The following FSTL5 variants were observed in gnomAD, a reference collection of about 807,000 sequenced individuals.
FSTL5 encodes follistatin-related protein 5.
Under a neutral mutation model 89.1 loss-of-function variants are expected in FSTL5, and 62 were observed. The observed-to-expected ratio is 0.70, with a 90% CI of 0.57 to 0.86. The LOEUF is 0.86. Ranked by LOEUF, FSTL5 falls within the 40% of genes least tolerant of loss-of-function variation. The pLI, the probability that FSTL5 is intolerant of heterozygous loss-of-function variation, is 0.00. For missense variants in FSTL5, 1,057 were observed against 1,001.6 expected (o/e 1.06, Z -0.75); for synonymous variants, 383 against 346.2 (o/e 1.11, Z -1.18).
At chr4:161,599,505 G>A (rs1309974648) in intron 7 of FSTL5, among the ~76,000 whole-genome samples, 1 of 151,458 alleles carries the variant, frequency 6.6e-6, no homozygotes, top group African/African-American at 2.4e-5. Flanking sequence ...AAGTACAACA[G>A]ATTAATCACA....
intron 7 of FSTL5, among the ~76,000 whole-genome samples, chr4:161,626,825 A>G (rs993869800): frequency 6.6e-6 from 1 of 152,182 alleles, no homozygotes; most frequent in Non-Finnish European, 1.5e-5. Flanking sequence ...GTTGAATCCA[A>G]TCCTCATGGA....
intron 2 of FSTL5, among the ~76,000 whole-genome samples, chr4:162,050,011 G>A (rs1440234540): frequency 6.6e-6 from 1 of 151,790 alleles, no homozygotes; most frequent in Non-Finnish European, 1.5e-5. Flanking sequence ...ATTCTTGAAA[G>A]AAAGAACATA....
intron 3 of FSTL5, among the ~76,000 whole-genome samples, chr4:161,941,430 C>T (rs1306748773): frequency 2.6e-5 from 4 of 151,602 alleles, no homozygotes; most frequent in Non-Finnish European, 4.4e-5. Context: ...AAAAAATCAG[C>T]TGAAAGTGAG....
intron 3 of FSTL5, among the ~76,000 whole-genome samples, chr4:162,014,845 G>A (rs553795854): frequency 2.6e-5 from 4 of 152,172 alleles, no homozygotes; most frequent in Non-Finnish European, 5.9e-5. Context: ...TTATAAACAC[G>A]TTAGTAATGG....
intron 8 of FSTL5, among the ~76,000 whole-genome samples, chr4:161,555,262 A>C (rs72687526): frequency 0.075 from 11,345 of 151,622 alleles, 540 homozygotes; most frequent in Middle Eastern, 0.17. Flanking sequence ...GTCTACTAAT[A>C]TTTAAAGTTA....
At chr4:161,633,638 C>A in intron 7 of FSTL5, among the ~76,000 whole-genome samples, 1 of 152,096 alleles carries the variant, frequency 6.6e-6, no homozygotes, top group Non-Finnish European at 1.5e-5. Context: ...AACCACCGCA[C>A]CCAGCCTAGC....
intron 10 of FSTL5, among the ~76,000 whole-genome samples, chr4:161,521,455 A>C (rs1731017335): frequency 6.6e-6 from 1 of 152,114 alleles, no homozygotes. Context: ...TTATATGTTT[A>C]AGTGCCTGTA....
intron 10 of FSTL5, among the ~76,000 whole-genome samples, chr4:161,510,637 C>T (rs1273663090): frequency 2.6e-5 from 4 of 151,630 alleles, no homozygotes; most frequent in Admixed American, 2.6e-4. Context: ...TTGATATAGC[C>T]AATTCTTATT....
chr4:162,044,555 C>A (rs1738099347), intron 2 of FSTL5, among the ~76,000 whole-genome samples: 1 of 152,112 alleles, frequency 6.6e-6, no homozygotes, highest in Non-Finnish European at 1.5e-5. Context: ...GCAGCATTAG[C>A]CCCTAACAAG....
chr4:161,877,900 C>T (rs942578500), intron 4 of FSTL5, among the ~76,000 whole-genome samples: 2 of 151,454 alleles, frequency 1.3e-5, no homozygotes, highest in African/African-American at 4.8e-5. Context: ...GTGATCTGCC[C>T]GCCTCGGCCT....
chr4:161,998,219 A>G (rs2111097479), intron 3 of FSTL5, among the ~76,000 whole-genome samples: 1 of 151,780 alleles, frequency 6.6e-6, no homozygotes, highest in East Asian at 1.9e-4. Context: ...CTAATTGTAT[A>G]CCCCCTGACT....
intron 15 of FSTL5, among the ~76,000 whole-genome samples, chr4:161,443,840 G>A (rs1248344122): frequency 6.6e-6 from 1 of 151,886 alleles, no homozygotes; most frequent in Non-Finnish European, 1.5e-5. Flanking sequence ...AAGTATAGGG[G>A]CTACTCAGGT....
At chr4:161,615,656 C>T (rs536312612) in intron 7 of FSTL5, among the ~76,000 whole-genome samples, 11 of 151,834 alleles carry the variant, frequency 7.2e-5, no homozygotes, top group African/African-American at 2.2e-4. Context: ...TCTTTAAACA[C>T]GAAAAAGATT....
Position 161,891,905 on chromosome 4 carries a change from C to T in FSTL5, c.409+28499G>A, listed in dbSNP as rs533904512. 3.9e-5 allele frequency among the ~76,000 whole-genome samples: 6 copies of T among 152,148 alleles called. No homozygotes were observed. The East Asian group carries it at 9.6e-4, about 24-fold the overall frequency. On this transcript the variant is annotated intron_variant, in intron 4 of 15. Transcript: ENST00000306100. ...CTGTGGACATCCTACTCATTTTCTTCACAACTATTGAGGCTTATATTAGTC... is the reference window on the plus strand; with the variant it reads ...CTGTGGACATCCTACTCATTTTCTTTACAACTATTGAGGCTTATATTAGTC...
chr4:161,750,097 A>G (rs966854751), intron 6 of FSTL5, among the ~76,000 whole-genome samples: 1 of 152,190 alleles, frequency 6.6e-6, no homozygotes, highest in Non-Finnish European at 1.5e-5. Context: ...CTTAGATGAA[A>G]TCACATTCAT....
intron 3 of FSTL5, among the ~76,000 whole-genome samples, chr4:161,991,371 TC>T: frequency 6.6e-6 from 1 of 151,772 alleles, no homozygotes; most frequent in East Asian, 1.9e-4. Context: ...TCAACTATTT[TC>T]TAGTCTTTTT....
At chr4:162,011,207 C>T (rs1736756854) in intron 3 of FSTL5, among the ~76,000 whole-genome samples, 1 of 152,122 alleles carries the variant, frequency 6.6e-6, no homozygotes, top group South Asian at 2.1e-4. Context: ...TATCCAGTGG[C>T]ATTTTTCTGC....
Position 161,459,430 on chromosome 4 carries a change from C to T in FSTL5, c.1609-111G>A, listed in dbSNP as rs116731604. On this transcript the variant is annotated intron_variant, in intron 13 of 15. Transcript: ENST00000306100. ...GATGTCAGATTAAAAATTTAATTTG[C>T]CAAATATATAATTTCCTTAGCCCTT... 1.3e-3 allele frequency: 766 copies of T among 608,224 alleles called. 3 individuals are homozygous for T. The highest frequency in any genetic ancestry group is 0.012 in the African/African-American group (656 of 54,282). The allele number at this position is 608,224 out of a possible 1,614,324, so 37.7% of individuals were successfully genotyped here. A position where few individuals can be genotyped will look rare whatever the true frequency, so the allele number is the denominator to read the frequency against.
intron 6 of FSTL5, among the ~76,000 whole-genome samples, chr4:161,703,565 G>A (rs1738474330): frequency 2.0e-5 from 3 of 151,968 alleles, no homozygotes; most frequent in Admixed American, 1.3e-4. Flanking sequence ...CCCTCCATAT[G>A]TGTAGACCTT....
Sources: gnomAD v4.1 joint callset for allele counts (sites outside exome capture counted in the v4.1 genomes callset) on GRCh38, gnomAD v4.1.1 for gene constraint, MANE v1.5 for transcripts, NCBI Gene and HGNC (gene_info 2026-07-23, HGNC 2026-07-21) for gene names.